Variants in ZFHX3 observed in about 807,000 individuals in gnomAD.
The protein encoded by ZFHX3 is zinc finger homeobox 3, also known as zinc finger homeobox protein 3.
A neutral mutation model predicts 279.1 loss-of-function variants in ZFHX3; 42 were observed. The ratio of observed to expected loss-of-function variants is 0.15; its 90% confidence interval spans 0.12 to 0.19. The LOEUF (loss-of-function observed/expected upper bound fraction) is 0.19, where lower values mean the gene tolerates loss of function less well. Among genes scored for constraint, ZFHX3 ranks in the 10% least tolerant of loss-of-function variants. The pLI is 1.00. For synonymous variants in ZFHX3, 2,293 were observed against 1,957.8 expected (o/e 1.17, Z -4.52); for missense variants, 4,981 against 4,754.0 (o/e 1.05, Z -1.40).
At chr16:73,141,203 C>G (rs1452878156) in intron 6 of ZFHX3, among the ~76,000 whole-genome samples, 1 of 152,152 alleles carries the variant, frequency 6.6e-6, no homozygotes, top group Non-Finnish European at 1.5e-5. Flanking sequence ...TCAAAGTACT[C>G]CACCAGTGAA....
At chr16:73,764,575 A>G (rs1448580558) in intron 1 of ZFHX3, among the ~76,000 whole-genome samples, 3 of 152,146 alleles carry the variant, frequency 2.0e-5, no homozygotes, top group African/African-American at 7.2e-5. Context: ...TCCAAGGAAA[A>G]CAGCCAATAC....
chr16:73,358,007 C>G (rs771210870), intron 3 of ZFHX3, among the ~76,000 whole-genome samples: 1 of 152,206 alleles, frequency 6.6e-6, no homozygotes, highest in Non-Finnish European at 1.5e-5. Context: ...CTTGCTGCTC[C>G]GTGAATCAGC....
At chr16:72,845,515 C>T (rs961032701) in intron 4 of ZFHX3, among the ~76,000 whole-genome samples, 4 of 152,166 alleles carry the variant, frequency 2.6e-5, no homozygotes, top group African/African-American at 9.6e-5. Flanking sequence ...GTGGGCTCTC[C>T]GCCCCCAACT....
chr16:73,429,465 T>C (rs1004700111), intron 3 of ZFHX3, among the ~76,000 whole-genome samples: 2 of 152,062 alleles, frequency 1.3e-5, no homozygotes, highest in African/African-American at 4.8e-5. Flanking sequence ...CCTGAGTAGC[T>C]GGGATTACAG....
At chr16:73,265,078 C>CGCGTGT (rs2013936235) in intron 4 of ZFHX3, among the ~76,000 whole-genome samples, 1 of 145,928 alleles carries the variant, frequency 6.9e-6, no homozygotes, top group African/African-American at 2.6e-5. Flanking sequence ...CGCATATATG[C>CGCGTGT]GTGTGTGTGT....
chr16:73,832,771 G>C (rs981211051), intron 1 of ZFHX3, among the ~76,000 whole-genome samples: 2 of 151,910 alleles, frequency 1.3e-5, no homozygotes, highest in Non-Finnish European at 2.9e-5. Context: ...CTCACATGCT[G>C]GTATATGTTA....
chr16:73,227,269 A>C (rs2012625362), intron 5 of ZFHX3, among the ~76,000 whole-genome samples: 1 of 152,194 alleles, frequency 6.6e-6, no homozygotes, highest in African/African-American at 2.4e-5. Context: ...AGATTTTTGC[A>C]GGATTGTTTT....
chr16:72,900,377 A>G (rs1433454952), intron 3 of ZFHX3, among the ~76,000 whole-genome samples: 1 of 152,206 alleles, frequency 6.6e-6, no homozygotes, highest in Non-Finnish European at 1.5e-5. Flanking sequence ...AGCAGAAAAA[A>G]ACACGTGTCT....
At chr16:72,919,906 G>A (rs1034480828) in intron 3 of ZFHX3, among the ~76,000 whole-genome samples, 2 of 141,172 alleles carry the variant, frequency 1.4e-5, no homozygotes, top group African/African-American at 5.3e-5. Flanking sequence ...CGATTCTCCT[G>A]CCTCAGCCTC....
At chr16:73,383,036 A>T (rs770347719) in intron 3 of ZFHX3, among the ~76,000 whole-genome samples, 13 of 152,180 alleles carry the variant, frequency 8.5e-5, no homozygotes, top group Non-Finnish European at 1.9e-4. Context: ...GGGATCCTAA[A>T]CTAACACAGG....
At chr16:73,072,444 CAAAA>C (rs71156138) in intron 8 of ZFHX3, among the ~76,000 whole-genome samples, 5 of 97,732 alleles carry the variant, frequency 5.1e-5, no homozygotes, top group African/African-American at 3.9e-5. Context: ...AACTCCGTCT[CAAAA>C]AAAAAAAAAA....
intron 2 of ZFHX3, among the ~76,000 whole-genome samples, chr16:73,461,364 T>G (rs1014070627): frequency 8.5e-5 from 13 of 152,234 alleles, no homozygotes; most frequent in African/African-American, 3.1e-4. Context: ...ATCTTTTTGT[T>G]TTCCTCTTAA....
At chr16:73,594,538 G>A (rs1398165708) in intron 2 of ZFHX3, among the ~76,000 whole-genome samples, 2 of 152,136 alleles carry the variant, frequency 1.3e-5, no homozygotes, top group African/African-American at 2.4e-5. Flanking sequence ...TTTTCATAAA[G>A]CCATATTAAT....
chr16:72,927,928 G>T (rs1489058577), intron 3 of ZFHX3, among the ~76,000 whole-genome samples: 2 of 150,998 alleles, frequency 1.3e-5, no homozygotes, highest in Non-Finnish European at 3.0e-5. Context: ...GGAAGGTGGG[G>T]AGGACTAAGA....
At chr16:73,548,347 C>T (rs2020154043) in intron 2 of ZFHX3, among the ~76,000 whole-genome samples, 1 of 152,178 alleles carries the variant, frequency 6.6e-6, no homozygotes, top group African/African-American at 2.4e-5. Flanking sequence ...ATCTCGTCTT[C>T]TTTAGTTCTT....
rs1295369119 is a variant in ZFHX3 at position 73,280,551 on chromosome 16, A to G, written c.-1193-23415T>C. Among the ~76,000 whole-genome samples the G allele has an allele frequency of 2.6e-5, 4 of 152,318 alleles. No individual in the cohort carries two copies. In the Middle Eastern group the frequency reaches 0.01, roughly 389 times the overall value. On this transcript the variant is annotated intron_variant, in intron 4 of 17. Transcript: ENST00000641206. ...CAGGGAAATGCAAATCAAAAGCACA[A>G]TGAGATGTCATCTCATGCTAGTTAG...
chr16:73,469,347 T>C (rs1315729636), intron 2 of ZFHX3, among the ~76,000 whole-genome samples: 2 of 152,018 alleles, frequency 1.3e-5, no homozygotes, highest in Non-Finnish European at 2.9e-5. Context: ...CTTGAAGAGC[T>C]GGGGGCTCTT....
At chr16:73,155,858 G>GTA (rs1444649086) in intron 5 of ZFHX3, among the ~76,000 whole-genome samples, 1 of 151,020 alleles carries the variant, frequency 6.6e-6, no homozygotes, top group East Asian at 2.0e-4. Context: ...ATGTATATAT[G>GTA]TATATATATA....
chr16:73,569,064 T>G (rs973533532), intron 2 of ZFHX3, among the ~76,000 whole-genome samples: 3 of 152,184 alleles, frequency 2.0e-5, no homozygotes, highest in African/African-American at 7.2e-5. Context: ...TGTGCCCTAA[T>G]GTGGAAGGGG....
Sources: gnomAD v4.1 joint callset for allele counts (sites outside exome capture counted in the v4.1 genomes callset) on GRCh38, gnomAD v4.1.1 for gene constraint, MANE v1.5 for transcripts, NCBI Gene and HGNC (gene_info 2026-07-23, HGNC 2026-07-21) for gene names.